Variants in CCDC138 observed in about 807,000 individuals in gnomAD.
The protein encoded by CCDC138 is coiled-coil domain containing 138.
In CCDC138, 66 loss-of-function variants were observed where a neutral mutation model predicts 82.3. The observed-to-expected ratio is 0.80, with a 90% CI of 0.66 to 0.98. The LOEUF (loss-of-function observed/expected upper bound fraction) is 0.98. CCDC138 is among the 50% of genes least tolerant of loss of function. CCDC138 has a pLI of 0.00. For missense variants in CCDC138, 816 were observed against 758.9 expected (o/e 1.08, Z -0.88); for synonymous variants, 297 against 265.4 (o/e 1.12, Z -1.16).
At chr2:108,824,604 T>TA (rs1159343719) in intron 10 of CCDC138, among the ~76,000 whole-genome samples, 2 of 152,126 alleles carry the variant, frequency 1.3e-5, no homozygotes, top group African/African-American at 2.4e-5. Context: ...AACTTTTTTT[T>TA]AAAAAAATAA....
chr2:108,788,434 A>T (rs573023123), intron 2 of CCDC138, among the ~76,000 whole-genome samples: 1 of 125,552 alleles, frequency 8.0e-6, no homozygotes, highest in Admixed American at 8.0e-5. Flanking sequence ...AAAGAAAAAA[A>T]TAGGCTGCGC....
intron 11 of CCDC138, among the ~76,000 whole-genome samples, chr2:108,843,880 T>TGTGTGTGTGTTTGTG (rs1558717151): frequency 1.1e-5 from 1 of 94,134 alleles, no homozygotes; most frequent in African/African-American, 5.5e-5. Context: ...GTGTGTGTGT[T>TGTGTGTGTGTTTGTG]TCTTTCTTTT....
chr2:108,869,235 A>G (rs962409587), intron 13 of CCDC138, among the ~76,000 whole-genome samples: 2 of 152,250 alleles, frequency 1.3e-5, no homozygotes, highest in East Asian at 3.9e-4. Context: ...AACCCAGCAA[A>G]TGCCCAATCA....
intron 12 of CCDC138, 133 bp from the exon 13 acceptor site, chr2:108,856,661 A>ATTGTGAT: frequency 6.6e-6 from 5 of 761,310 alleles, no homozygotes; most frequent in Middle Eastern, 3.7e-4. Context: ...CTAAATTTAG[A>ATTGTGAT]CTGTGATCTC....
At chr2:108,841,726 C>T (rs1267306774) in intron 11 of CCDC138, among the ~76,000 whole-genome samples, 1 of 152,076 alleles carries the variant, frequency 6.6e-6, no homozygotes, top group East Asian at 1.9e-4. Flanking sequence ...AGGCCATTTA[C>T]ATGTAATGTA....
chr2:108,885,116 A>C (rs562217907), exon 3 of CCDC138: 3 of 152,202 alleles, frequency 2.0e-5, no homozygotes, highest in Admixed American at 6.5e-5. Flanking sequence ...TCTGTAAGGG[A>C]GCTGAAACTT....
intron 7 of CCDC138, 116 bp from the exon 8 acceptor site, chr2:108,812,515 C>T (rs950133644): frequency 2.8e-6 from 2 of 725,054 alleles, no homozygotes; most frequent in Admixed American, 2.6e-5. Context: ...AATGCTGTCT[C>T]TGTTTTGTTA....
intron 12 of CCDC138, among the ~76,000 whole-genome samples, chr2:108,856,084 A>C (rs1391036255): frequency 1.3e-5 from 2 of 152,190 alleles, no homozygotes; most frequent in Admixed American, 1.3e-4. Context: ...TGATGCAAGT[A>C]TCTTACTACT....
chr2:108,809,523 T>G (rs534746614), intron 7 of CCDC138, among the ~76,000 whole-genome samples: 1 of 151,886 alleles, frequency 6.6e-6, no homozygotes, highest in African/African-American at 2.4e-5. Context: ...TTTATAGTTT[T>G]CATCGTGGAA....
chr2:108,853,961 T>A (rs1427012369), intron 12 of CCDC138, among the ~76,000 whole-genome samples: 1 of 117,692 alleles, frequency 8.5e-6, no homozygotes, highest in Non-Finnish European at 1.7e-5. Flanking sequence ...TAAATATATA[T>A]AATAAAATAT....
chr2:108,847,254 A>G (rs1690649842), intron 12 of CCDC138, among the ~76,000 whole-genome samples: 1 of 152,172 alleles, frequency 6.6e-6, no homozygotes, highest in Non-Finnish European at 1.5e-5. Context: ...TGTGTTGGTA[A>G]ACTAGTCCAT....
chr2:108,815,898 G>A (rs768825133), intron 9 of CCDC138, 43 bp from the exon 10 acceptor site: 1 of 1,514,356 alleles, frequency 6.6e-7, no homozygotes, highest in Admixed American at 2.1e-5. Context: ...GAAGTTTTAT[G>A]AAGTTGTGAA....
intron 12 of CCDC138, among the ~76,000 whole-genome samples, chr2:108,853,922 ATT>A (rs1455662413): frequency 2.5e-5 from 3 of 122,238 alleles, no homozygotes; most frequent in African/African-American, 3.3e-5. Flanking sequence ...TAGTATATAT[ATT>A]ATATATAATT....
chr2:108,800,624 T>A, intron 6 of CCDC138, among the ~76,000 whole-genome samples: 1 of 140,726 alleles, frequency 7.1e-6, no homozygotes, highest in Admixed American at 7.0e-5. Flanking sequence ...TTTTTTTTTT[T>A]TTTTTTTTTT....
Position 108,856,765 on chromosome 2 carries a change from G to A in CCDC138, c.1517-29G>A, listed in dbSNP as rs192958910. 138 of 1,592,382 alleles carry A rather than the reference G, an allele frequency of 8.7e-5. No homozygotes were observed. The African/African-American group carries it at 1.6e-3, about 19-fold the overall frequency. On this transcript the variant is annotated intron_variant, in intron 12 of 14. Transcript: ENST00000295124. ...GATTGACACCTAGACTAGCAAAACT[G>A]CAGTTGATTGTACATAACTATTTTC...
chr2:108,797,640 A>G (rs896494071), intron 5 of CCDC138, among the ~76,000 whole-genome samples: 2 of 152,176 alleles, frequency 1.3e-5, no homozygotes, highest in Non-Finnish European at 2.9e-5. Flanking sequence ...GGCTTAAGGC[A>G]ATATGATCCT....
intron 13 of CCDC138, among the ~76,000 whole-genome samples, chr2:108,864,658 G>A (rs1558757551): frequency 6.6e-6 from 1 of 152,126 alleles, no homozygotes; most frequent in Non-Finnish European, 1.5e-5. Context: ...GCCAGGCGTG[G>A]TGGCCCACGC....
intron 11 of CCDC138, among the ~76,000 whole-genome samples, chr2:108,846,222 A>G (rs1690447340): frequency 6.6e-6 from 1 of 152,216 alleles, no homozygotes; most frequent in Non-Finnish European, 1.5e-5. Flanking sequence ...TGTGTCAGAA[A>G]TATAGCATGA....
At chr2:108,798,710 C>A in intron 6 of CCDC138, 124 bp downstream of exon 6, 1 of 22,066 alleles carries the variant, frequency 4.5e-5, no homozygotes, top group South Asian at 1.2e-3. Context: ...TCCACGCCTA[C>A]ACACACACAC....
Sources: allele counts gnomAD v4.1 joint callset (sites outside exome capture counted in the v4.1 genomes callset), GRCh38; gene constraint gnomAD v4.1.1; transcripts MANE v1.5; gene names NCBI Gene and HGNC (gene_info 2026-07-23, HGNC 2026-07-21).